MOB2: variants seen among roughly 807,000 people sequenced by gnomAD.
MOB2 encodes MOB kinase activator 2, also known as MOB2 Mps One Binder homolog.
A neutral mutation model predicts 27.4 loss-of-function variants in MOB2; 14 were observed. The ratio of observed to expected loss-of-function variants is 0.51; its 90% CI spans 0.34 to 0.80. The LOEUF (loss-of-function observed/expected upper bound fraction) is 0.80. Ranked by LOEUF, MOB2 falls within the 30% of genes least tolerant of loss-of-function variation. The pLI is 0.01. For synonymous variants in MOB2, 167 were observed against 151.8 expected (o/e 1.10, Z -0.74); for missense variants, 304 against 354.6 (o/e 0.86, Z 1.15).
chr11:1,478,948 T>C (rs1257617055), intron 3 of MOB2, among the ~76,000 whole-genome samples: 1 of 152,204 alleles, frequency 6.6e-6, no homozygotes, highest in Non-Finnish European at 1.5e-5. Context: ...TTTGAGTGGA[T>C]TTCTGTCCCT....
chr11:1,472,803 T>TGGGCACAGGGCCTCCAGCGTCTCC (rs1847808956), intron 3 of MOB2: 1 of 155,168 alleles, frequency 6.4e-6, no homozygotes, highest in Non-Finnish European at 1.4e-5. Flanking sequence ...TCCTCCCAGC[T>TGGGCACAGGGCCTCCAGCGTCTCC]GGGCACAGGG....
chr11:1,478,158 C>G (rs977020050), intron 3 of MOB2, among the ~76,000 whole-genome samples: 4 of 152,114 alleles, frequency 2.6e-5, no homozygotes, highest in Non-Finnish European at 5.9e-5. Flanking sequence ...GCCCCACCGC[C>G]GCCAGGCCCC....
chr11:1,479,763 T>C (rs1049584115), intron 3 of MOB2, among the ~76,000 whole-genome samples: 1 of 152,190 alleles, frequency 6.6e-6, no homozygotes, highest in Admixed American at 6.5e-5. Context: ...GCTTCCGCCC[T>C]CCTCAGCCGC....
chr11:1,480,996 CGGG>C, intron 1 of MOB2, 111 bp from the exon 2 acceptor site: 3 of 1,320,904 alleles, frequency 2.3e-6, no homozygotes, highest in Non-Finnish European at 3.1e-6. Context: ...CCGAGCCCAT[CGGG>C]GCGACACTGC....
chr11:1,483,240 G>A (rs1847936095), intron 1 of MOB2, among the ~76,000 whole-genome samples: 1 of 152,212 alleles, frequency 6.6e-6, no homozygotes, highest in Non-Finnish European at 1.5e-5. Context: ...CCCCTGTGCT[G>A]CTGGCTAGGA....
chr11:1,481,808 G>A (rs1847918954), intron 1 of MOB2, among the ~76,000 whole-genome samples: 1 of 152,082 alleles, frequency 6.6e-6, no homozygotes, highest in Non-Finnish European at 1.5e-5. Flanking sequence ...CTCCCACTCT[G>A]CCATCTCTCC....
At chr11:1,485,242 C>T (rs1181480598) in intron 1 of MOB2, among the ~76,000 whole-genome samples, 3 of 152,246 alleles carry the variant, frequency 2.0e-5, no homozygotes, top group African/African-American at 4.8e-5. Flanking sequence ...CTCTGTGTCT[C>T]CTGTGGAGCT....
Position 1,480,942 on chromosome 11 carries a change from C to T in MOB2, c.111-57G>A, listed in dbSNP as rs917024601. ...ACACGCCCATCAGACCCAGGGTCTG[C>T]CCGGGGGGTCAGTTGTGGCCAGCGC... On this transcript the variant is annotated intron_variant, in intron 1 of 4. Transcript: ENST00000329957. 7 of 1,534,364 alleles carry T rather than the reference C, an allele frequency of 4.6e-6. No individual in the cohort carries two copies. In the Admixed American group the frequency reaches 7.9e-5, roughly 17 times the overall value.
chr11:1,478,317 C>T (rs1284517575), intron 3 of MOB2, among the ~76,000 whole-genome samples: 1 of 152,276 alleles, frequency 6.6e-6, no homozygotes, highest in Non-Finnish European at 1.5e-5. Context: ...GGCGTCTCCA[C>T]AAACACTCAG....
rs916145591 is a variant in MOB2 at position 1,471,603 on chromosome 11, C to T, written c.366-184G>A. On this transcript the variant is annotated intron_variant, in intron 3 of 4. Transcript: ENST00000329957. ...CACACTGTCTGCGGGGACCACACTG[C>T]ACTCTATGGAGGGGTCTGCCTGCGC... 1.7e-5 allele frequency: 11 copies of T among 662,980 alleles called. No homozygotes were observed. The African/African-American group carries it at 1.8e-4, about 11-fold the overall frequency. The allele number at this position is 662,980 out of a possible 1,614,324, so 41.1% of individuals were successfully genotyped here.
chr11:1,482,566 T>C (rs988764884), intron 1 of MOB2, among the ~76,000 whole-genome samples: 2 of 152,168 alleles, frequency 1.3e-5, no homozygotes, highest in Non-Finnish European at 2.9e-5. Flanking sequence ...CCTGCTCTCC[T>C]AGAACACAGA....
chr11:1,472,038 G>A (rs1847799084), intron 3 of MOB2: 1 of 152,462 alleles, frequency 6.6e-6, no homozygotes, highest in African/African-American at 2.4e-5. Flanking sequence ...CCCCAGAGCA[G>A]GCTGGAGCAT....
rs1467766502 is a variant in MOB2, at chr11:1,469,462, TGA to T, written c.*708_*709del. ...GCTGAGACGTACACAGGCTCTGACCTGAGAGAATTCTTTTTATTACGAGTGAA... is the reference window on the plus strand; with the variant it reads ...GCTGAGACGTACACAGGCTCTGACCTGAGAATTCTTTTTATTACGAGTGAA... On this transcript the variant is annotated 3_prime_UTR_variant, in exon 5 of 5. Transcript: ENST00000329957. 2 of 424,090 alleles carry T rather than the reference TGA, an allele frequency of 4.7e-6. No individual in the cohort carries two copies. Among genetic ancestry groups the T allele is most frequent in the Non-Finnish European group, 4.8e-6 (1 of 206,776 alleles). 26.3% of individuals were successfully genotyped at this position (424,090 alleles called of 1,614,324 possible).
rs765125284 is a variant in MOB2 at position 1,480,761 on chromosome 11, G to C, written c.235C>G (p.Arg79Gly). 2 of 1,606,198 alleles carry C rather than the reference G, an allele frequency of 1.2e-6. No homozygotes were observed. The highest frequency in any genetic ancestry group is 8.5e-7 in the Non-Finnish European group (1 of 1,176,890). ...AGCCACTCGTTAAGGTCAATCTCGC[G>C]GGGCAGCACCACCAGCTCCTTGAAC... is the stretch of plus-strand genomic sequence containing the variant. ...FQFKELVVLP[R>G]EIDLNEWLAS... Residue 79 changes from arginine to glycine, a missense_variant, in exon 2 of 5, where the codon CGC becomes GGC. Transcript: ENST00000329957.
chr11:1,486,248 C>T (rs1202976485), intron 1 of MOB2, among the ~76,000 whole-genome samples, 199 bp downstream of exon 1: 1 of 152,212 alleles, frequency 6.6e-6, no homozygotes, highest in East Asian at 1.9e-4. Context: ...CCAGGCTGGC[C>T]CGGGACTGCA....
chr11:1,470,045 G>C lies in MOB2; in HGVS notation c.*127C>G. 3 of 1,536,482 alleles carry C rather than the reference G, an allele frequency of 2.0e-6. No homozygotes were observed. The highest frequency in any genetic ancestry group is 1.7e-6 in the Non-Finnish European group (2 of 1,146,674). On this transcript the variant is annotated 3_prime_UTR_variant, in exon 5 of 5. Coordinates refer to ENST00000329957, the MANE Select transcript of MOB2 (RefSeq NM_001172223.3). ...GTCTGTGCCTGTGCAGCCCACACCA[G>C]TGCAGCCCGGGGCCCTCTCAGACCT...
At chr11:1,476,577 C>G (rs2133362085) in intron 3 of MOB2, among the ~76,000 whole-genome samples, 1 of 152,334 alleles carries the variant, frequency 6.6e-6, no homozygotes, top group Middle Eastern at 3.4e-3. Flanking sequence ...TTTGATTTCA[C>G]TCATTTCCCC....
At chr11:1,470,597 C>A (rs1847775538) in intron 4 of MOB2, 109 bp from the exon 5 acceptor site, 1 of 1,274,934 alleles carries the variant, frequency 7.8e-7, no homozygotes, top group Non-Finnish European at 1.1e-6. Flanking sequence ...CACACCTTGA[C>A]CCTGCCACCC....
At chr11:1,476,540 A>T (rs1259219215) in intron 3 of MOB2, among the ~76,000 whole-genome samples, 1 of 152,160 alleles carries the variant, frequency 6.6e-6, no homozygotes, top group Non-Finnish European at 1.5e-5. Context: ...AGGCTTACCA[A>T]TTTATTACCT....
Sources: gnomAD v4.1 joint callset for allele counts (sites outside exome capture counted in the v4.1 genomes callset) on GRCh38, gnomAD v4.1.1 for gene constraint, MANE v1.5 for transcripts, NCBI Gene and HGNC (gene_info 2026-07-23, HGNC 2026-07-21) for gene names.